LRBA: variants seen among roughly 807,000 people sequenced by gnomAD.
LRBA encodes LPS responsive beige-like anchor protein, also known as lipopolysaccharide-responsive and beige-like anchor protein.
In LRBA, 176 loss-of-function variants were observed where a neutral mutation model predicts 330.0. That is an observed-to-expected ratio of 0.53 (90% CI 0.47 to 0.60). The LOEUF (loss-of-function observed/expected upper bound fraction) is 0.60. LRBA is among the 20% of genes least tolerant of loss of function. The pLI is 0.00. For synonymous variants in LRBA, 1,230 were observed against 1,193.0 expected (o/e 1.03, Z -0.64); for missense variants, 3,259 against 3,444.8 (o/e 0.95, Z 1.35).
chr4:150,831,995 G>A lies in LRBA; in HGVS notation c.4570-19C>T, dbSNP rs774975632. 1 of 1,456,568 alleles carries A rather than the reference G, an allele frequency of 6.9e-7. No individual in the cohort carries two copies. 90.2% of individuals were successfully genotyped at this position (1,456,568 alleles called of 1,614,324 possible). A position where few individuals can be genotyped will look rare whatever the true frequency, so the allele number is the denominator to read the frequency against. ...TATCCTCCTGGGAAAAAAAATTAAA[G>A]GAGTTGATTATGTAACCATAAAATA... On this transcript the variant is annotated intron_variant, in intron 28 of 56. Coordinates refer to ENST00000651943, the MANE Select transcript of LRBA (RefSeq NM_001364905.1).
chr4:150,350,558 A>T (rs1202055119), intron 47 of LRBA, among the ~76,000 whole-genome samples: 15 of 120,892 alleles, frequency 1.2e-4, no homozygotes, highest in African/African-American at 3.4e-4. Flanking sequence ...AAAGAGCGAA[A>T]CTCCATCTCA....
intron 52 of LRBA, among the ~76,000 whole-genome samples, chr4:150,307,482 G>A (rs1730504430): frequency 6.6e-6 from 1 of 151,572 alleles, no homozygotes; most frequent in African/African-American, 2.4e-5. Context: ...ACAATATGAA[G>A]TCCAAAAGAA....
At position 150,518,506 on chromosome 4, in the gene LRBA, CTT is replaced by C. The variant is rs752938039; in HGVS notation, c.6331-27473_6331-27472del. On this transcript the variant is annotated intron_variant, in intron 40 of 56. Coordinates refer to ENST00000651943, the MANE Select transcript of LRBA (RefSeq NM_001364905.1). ...ATGAAAGTCAACTTATCTTTCTTTCCTTTCTTTTAGTTTCCAGAGCTCAACCT... is the reference window on the plus strand; with the variant it reads ...ATGAAAGTCAACTTATCTTTCTTTCCTCTTTTAGTTTCCAGAGCTCAACCT... Among the ~76,000 whole-genome samples, 76 of 152,228 alleles carry C rather than the reference CTT, an allele frequency of 5.0e-4. 1 individual carries two copies. Among genetic ancestry groups the C allele is most frequent in the Non-Finnish European group, 3.8e-4 (26 of 68,004 alleles).
intron 22 of LRBA, among the ~76,000 whole-genome samples, chr4:150,858,494 G>T (rs1751496545): frequency 6.6e-6 from 1 of 151,984 alleles, no homozygotes; most frequent in Non-Finnish European, 1.5e-5. Flanking sequence ...GGTGCAAAGT[G>T]CTGATAATCC....
At chr4:150,889,401 A>G (rs1579106646) in intron 17 of LRBA, among the ~76,000 whole-genome samples, 1 of 152,102 alleles carries the variant, frequency 6.6e-6, no homozygotes, top group South Asian at 2.1e-4. Context: ...CCCTCACTTT[A>G]GGAGGCCAAG....
chr4:150,415,438 C>G lies in LRBA; in HGVS notation c.7194G>C (p.Leu2398Phe), dbSNP rs776962399. Residue 2398 changes from leucine to phenylalanine, a missense_variant and splice_region_variant, in exon 47 of 57, where the codon TTG becomes TTC. Coordinates refer to ENST00000651943, the MANE Select transcript of LRBA (RefSeq NM_001364905.1). ...ACAGAGTAGATGATTATTATCTTAC[C>G]AATCTGTTTATGTGAACAAATTCTT... ...TSEEFVHINR[L>F]ALESEFVSCQ... 4.3e-6 allele frequency: 7 copies of G among 1,611,964 alleles called. No individual in the cohort carries two copies. Among genetic ancestry groups the G allele is most frequent in the Non-Finnish European group, 5.9e-6 (7 of 1,179,172 alleles).
intron 47 of LRBA, among the ~76,000 whole-genome samples, chr4:150,411,174 T>A (rs1746939061): frequency 6.6e-6 from 1 of 152,148 alleles, no homozygotes; most frequent in African/African-American, 2.4e-5. Context: ...ACTAATGAAA[T>A]TTAGGTGAGT....
rs191926873 is a variant in LRBA at position 150,467,427 on chromosome 4, A to G, written c.6780+246T>C. Reference sequence around the variant, plus strand: ...ATAAAAGTGATATTTTAAATACCACAATTTGGCAATGCTTACTAAATTAAT... The same window carrying G: ...ATAAAAGTGATATTTTAAATACCACGATTTGGCAATGCTTACTAAATTAAT... On this transcript the variant is annotated intron_variant, in intron 44 of 56. Transcript: ENST00000651943. Among the ~76,000 whole-genome samples, 121 of 152,234 alleles carry G rather than the reference A, an allele frequency of 7.9e-4. 1 individual carries two copies. Among genetic ancestry groups the G allele is most frequent in the African/African-American group, 2.6e-3 (108 of 41,578 alleles).
intron 2 of LRBA, among the ~76,000 whole-genome samples, chr4:150,988,016 A>G (rs891820056): frequency 3.3e-5 from 5 of 151,892 alleles, no homozygotes; most frequent in Non-Finnish European, 1.5e-5. Flanking sequence ...AAAAAAAAAA[A>G]AAAGTGCATT....
intron 40 of LRBA, among the ~76,000 whole-genome samples, chr4:150,553,988 C>T (rs906033479): frequency 2.0e-5 from 3 of 152,166 alleles, no homozygotes; most frequent in African/African-American, 7.2e-5. Context: ...CATTTAAGAG[C>T]ATCTTCTCTG....
chr4:150,517,686 CAT>C (rs1322004277), intron 40 of LRBA, among the ~76,000 whole-genome samples: 2 of 152,128 alleles, frequency 1.3e-5, no homozygotes, highest in African/African-American at 4.8e-5. Context: ...TATTCACAAA[CAT>C]ATAAAATCTG....
At chr4:150,735,849 T>C (rs995613359) in intron 35 of LRBA, among the ~76,000 whole-genome samples, 1 of 152,138 alleles carries the variant, frequency 6.6e-6, no homozygotes, top group African/African-American at 2.4e-5. Flanking sequence ...GGAGTCCCGG[T>C]AGACTACCCA....
chr4:150,727,579 A>G (rs1051300350), intron 36 of LRBA, among the ~76,000 whole-genome samples: 1 of 152,162 alleles, frequency 6.6e-6, no homozygotes, highest in Non-Finnish European at 1.5e-5. Context: ...AAACTATACA[A>G]ATATATTGAA....
At chr4:150,364,103 A>G (rs1379432376) in intron 47 of LRBA, among the ~76,000 whole-genome samples, 1 of 152,200 alleles carries the variant, frequency 6.6e-6, no homozygotes, top group Non-Finnish European at 1.5e-5. Context: ...TTTCTCTTCA[A>G]TAGTGTCCAG....
At chr4:150,360,459 A>G (rs1306163286) in intron 47 of LRBA, among the ~76,000 whole-genome samples, 3 of 152,230 alleles carry the variant, frequency 2.0e-5, no homozygotes, top group Non-Finnish European at 2.9e-5. Context: ...TACACTTACA[A>G]TGGACAGCAC....
rs769403201 is a variant in LRBA at position 150,647,352 on chromosome 4, C to CTTTTTTTTT, written c.5921+36190_5921+36198dup. On this transcript the variant is annotated intron_variant, in intron 37 of 56. Coordinates refer to ENST00000651943, the MANE Select transcript of LRBA (RefSeq NM_001364905.1). Reference sequence around the variant, plus strand: ...GTAAAAAGTAAAATGATTACTTTTTCTTTTTTTTTTTTTTTTTTTTTTTGA... The same window carrying CTTTTTTTTT: ...GTAAAAAGTAAAATGATTACTTTTTCTTTTTTTTTTTTTTTTTTTTTTTTTTTTTTTTGA... Among the ~76,000 whole-genome samples, 602 of 79,734 alleles carry CTTTTTTTTT rather than the reference C, an allele frequency of 7.6e-3. 12 individuals are homozygous for CTTTTTTTTT. The highest frequency in any genetic ancestry group is 0.016 in the Middle Eastern group (1 of 64). 52.3% of individuals were successfully genotyped at this position (79,734 alleles called of 152,430 possible). A position where few individuals can be genotyped will look rare whatever the true frequency, so the allele number is the denominator to read the frequency against.
intron 37 of LRBA, among the ~76,000 whole-genome samples, chr4:150,657,014 G>T (rs1010752387): frequency 6.6e-6 from 1 of 152,190 alleles, no homozygotes; most frequent in Non-Finnish European, 1.5e-5. Context: ...AGAGCCCATA[G>T]AATGGGAATA....
chr4:150,579,950 C>A (rs1317202941), intron 40 of LRBA: 1 of 324,292 alleles, frequency 3.1e-6, no homozygotes, highest in Non-Finnish European at 6.1e-6. Context: ...TAACTGCCCC[C>A]GGAGAAGCAA....
chr4:150,323,779 T>G (rs1406738705), intron 49 of LRBA, among the ~76,000 whole-genome samples: 2 of 152,164 alleles, frequency 1.3e-5, no homozygotes, highest in African/African-American at 4.8e-5. Context: ...CCCACACTAC[T>G]AGGCTACTCT....
Sources: allele counts gnomAD v4.1 joint callset (sites outside exome capture counted in the v4.1 genomes callset), GRCh38; gene constraint gnomAD v4.1.1; transcripts MANE v1.5; gene names NCBI Gene and HGNC (gene_info 2026-07-23, HGNC 2026-07-21).